PLEKHG2: variants seen among roughly 807,000 people sequenced by gnomAD.
PLEKHG2 encodes pleckstrin homology and RhoGEF domain containing G2, also known as pleckstrin homology domain-containing family G member 2.
A neutral mutation model predicts 104.4 loss-of-function variants in PLEKHG2; 71 were observed. That is an observed-to-expected ratio of 0.68 (90% CI 0.56 to 0.83). PLEKHG2 has a LOEUF of 0.83. Among genes scored for constraint, PLEKHG2 ranks in the 40% least tolerant of loss-of-function variants. The pLI, the probability that PLEKHG2 is intolerant of heterozygous loss-of-function variation, is 0.00. For synonymous variants in PLEKHG2, 728 were observed against 737.0 expected, an observed-to-expected ratio of 0.99 and a Z score of 0.20; for missense variants, 1,730 against 1,809.4, an observed-to-expected ratio of 0.96 and a Z score of 0.80.
chr19:39,421,076 G>C lies in PLEKHG2; in HGVS notation c.1449G>C (p.Glu483Asp), dbSNP rs774417385. 3 of 1,614,076 alleles carry C rather than the reference G, an allele frequency of 1.9e-6. No homozygotes were observed. In the Admixed American group the frequency reaches 5.0e-5, roughly 27 times the overall value. ...SVIRRGRRQS[E>D]PVKDPYVMFP... Reference sequence around the variant, plus strand: ...GACATCACTGTGTCCTCCCCGCAGAGCCGGTGAAGGACCCTTATGTCATGT... The same window carrying C: ...GACATCACTGTGTCCTCCCCGCAGACCCGGTGAAGGACCCTTATGTCATGT... The change falls in exon 15 of 19, where the codon GAG becomes GAC. Residue 483 changes from glutamate to aspartate, a missense_variant and splice_region_variant. By Grantham distance (45) the Glu-to-Asp change is conservative. Coordinates refer to ENST00000425673, the MANE Select transcript of PLEKHG2 (RefSeq NM_022835.3).
chr19:39,426,504 T>A lies in PLEKHG2; in HGVS notation c.*1210T>A, dbSNP rs1376439892. The A allele has an allele frequency of 1.3e-5, 2 of 152,272 alleles. No individual in the cohort carries two copies. Among genetic ancestry groups the A allele is most frequent in the Non-Finnish European group, 1.5e-5 (1 of 68,038 alleles). 9.4% of individuals were successfully genotyped at this position (152,272 alleles called of 1,614,324 possible). A position where few individuals can be genotyped will look rare whatever the true frequency, so the allele number is the denominator to read the frequency against. ...TTTCTTTGGTGATGATATTAGCTAC[T>A]TTCATCAAATACTTAGCCTCTTGTG... On this transcript the variant is annotated 3_prime_UTR_variant, in exon 19 of 19. Transcript: ENST00000425673.
Position 39,420,953 on chromosome 19 carries a change from A to T in PLEKHG2, c.1404A>T (p.Pro468=), listed in dbSNP as rs2078690280. Residue 468 remains proline, a synonymous_variant, in exon 14 of 19, where the codon CCA becomes CCT. Coordinates refer to ENST00000425673, the MANE Select transcript of PLEKHG2 (RefSeq NM_022835.3). ...CTCTGGCCCTCCCTCCCACAGCTCCATCTCCTGGGCCCTCTGTGATTCGCC... is the reference window on the plus strand; with the variant it reads ...CTCTGGCCCTCCCTCCCACAGCTCCTTCTCCTGGGCCCTCTGTGATTCGCC... ...SFTPGRRNTA[P]SPGPSVIRRG... is the part of the protein sequence containing the mutation. The T allele has an allele frequency of 6.2e-7, 1 of 1,613,956 alleles. No homozygotes were observed. Among genetic ancestry groups the T allele is most frequent in the South Asian group, 1.1e-5 (1 of 91,084 alleles).
intron 2 of PLEKHG2, 157 bp downstream of exon 2, chr19:39,414,352 G>A (rs182825641): frequency 5.5e-6 from 4 of 725,660 alleles, no homozygotes; most frequent in South Asian, 5.2e-5. Flanking sequence ...CAGGCCAGAG[G>A]GGGCAGCGCT....
chr19:39,418,662 A>G (rs552046455), intron 9 of PLEKHG2, 72 bp from the exon 10 acceptor site: 5 of 1,245,164 alleles, frequency 4.0e-6, no homozygotes, highest in Non-Finnish European at 5.8e-6. Flanking sequence ...TACACCTCCA[A>G]GGGTGTCTCC....
Position 39,417,917 on chromosome 19 carries a change from C to A in PLEKHG2, c.895C>A (p.Arg299=), listed in dbSNP as rs745527073. The change falls in exon 9 of 19, where the codon CGG becomes AGG. Residue 299 remains arginine, a synonymous_variant. Coordinates refer to ENST00000425673, the MANE Select transcript of PLEKHG2 (RefSeq NM_022835.3). ...HAARLQEVQR[R]LGGWTGPELS... ...GGGGTCCCGGCAGGAAGTGCAGCGG[C>A]GGCTGGGTGGCTGGACCGGACCAGA... 1.3e-6 allele frequency: 2 copies of A among 1,541,172 alleles called. No individual in the cohort carries two copies. Among genetic ancestry groups the A allele is most frequent in the Admixed American group, 2.0e-5 (1 of 50,328 alleles).
Position 39,423,238 on chromosome 19 carries a change from C to T in PLEKHG2, c.2184C>T (p.Gly728=), listed in dbSNP as rs768502378. ...AACTGGGAGAGCCGCCTTCAGGAGG[C>T]AAGGCAGGGCCAGAGGAGGATGAAG... ...PGKLGEPPSG[G]KAGPEEDEEG... Residue 728 remains glycine, a synonymous_variant, in exon 18 of 19, where the codon GGC becomes GGT. Coordinates refer to ENST00000425673, the MANE Select transcript of PLEKHG2 (RefSeq NM_022835.3). The T allele has an allele frequency of 1.2e-6, 2 of 1,613,448 alleles. No individual in the cohort carries two copies. Among genetic ancestry groups the T allele is most frequent in the African/African-American group, 2.7e-5 (2 of 74,900 alleles).
In PLEKHG2 at chr19:39,415,684, C is replaced by G. The variant is rs967323792; in HGVS notation, c.479+245C>G. Among the ~76,000 whole-genome samples the G allele has an allele frequency of 1.3e-5, 2 of 150,000 alleles. No homozygotes were observed. The highest frequency in any genetic ancestry group is 4.9e-5 in the African/African-American group (2 of 40,650). ...GACCCCGAGTGAGGGAGGGGCATAG[C>G]GGATGGGAGGACCCCGAGTGAGGGA... is the stretch of plus-strand genomic sequence containing the variant. On this transcript the variant is annotated intron_variant, in intron 4 of 18. Coordinates refer to ENST00000425673, the MANE Select transcript of PLEKHG2 (RefSeq NM_022835.3). The surrounding 1 kb of genome is among the most constrained non-coding windows in gnomAD (Gnocchi z 4.6).
At chr19:39,420,356 G>T (rs906880402) in intron 11 of PLEKHG2, among the ~76,000 whole-genome samples, 1 of 148,576 alleles carries the variant, frequency 6.7e-6, no homozygotes, top group Non-Finnish European at 1.5e-5. Flanking sequence ...CAAAATCTCC[G>T]TCTCAAAAAA....
rs953910058 is a variant in PLEKHG2 at position 39,418,036 on chromosome 19, C to T, written c.1014C>T (p.Phe338=). ...PRLRGGERLL[F]LFSRMLLVAK... is the part of the protein sequence containing the mutation. ...TACGAGGGGGTGAGCGGCTGCTCTT[C>T]CTGTTCTCTCGGATGCTGCTGGTGG... is the stretch of plus-strand genomic sequence containing the variant. The change falls in exon 9 of 19, where the codon TTC becomes TTT. Residue 338 remains phenylalanine (F), a synonymous_variant. Transcript: ENST00000425673. The T allele has an allele frequency of 3.9e-6, 6 of 1,555,950 alleles. No homozygotes were observed. Among genetic ancestry groups the T allele is most frequent in the African/African-American group, 2.7e-5 (2 of 73,396 alleles).
At position 39,415,531 on chromosome 19, in the gene PLEKHG2, G is replaced by C. The variant is rs955806809; in HGVS notation, c.479+92G>C. 3 of 1,386,336 alleles carry C rather than the reference G, an allele frequency of 2.2e-6. 1 individual carries two copies. Among genetic ancestry groups the C allele is most frequent in the Admixed American group, 4.0e-5 (2 of 50,260 alleles). 85.9% of individuals were successfully genotyped at this position (1,386,336 alleles called of 1,614,324 possible). ...TCGGAGCTTCGTAGTGTCCTGTCCA[G>C]GCTGGTACGTGGGGTTGTGACATTG... is the stretch of plus-strand genomic sequence containing the variant. On this transcript the variant is annotated intron_variant, in intron 4 of 18. Transcript: ENST00000425673. The surrounding 1 kb of genome is among the most constrained non-coding windows in gnomAD (Gnocchi z 4.6).
chr19:39,418,670 T>G (rs1229701031), intron 9 of PLEKHG2, 64 bp from the exon 10 acceptor site: 2 of 1,336,982 alleles, frequency 1.5e-6, no homozygotes, highest in Non-Finnish European at 2.1e-6. Context: ...CAAGGGTGTC[T>G]CCGTACAAGG....
chr19:39,424,330 G>T lies in PLEKHG2; in HGVS notation c.3197G>T (p.Gly1066Val). 4 of 1,614,120 alleles carry T rather than the reference G, an allele frequency of 2.5e-6. No individual in the cohort carries two copies. The highest frequency in any genetic ancestry group is 3.4e-6 in the Non-Finnish European group (4 of 1,180,020). ...CAAGGAGGTTCCAGGGATGTTCAGGGCCCAGACCCTGTCTGCAGTCAACCC... is the reference window on the plus strand; with the variant it reads ...CAAGGAGGTTCCAGGGATGTTCAGGTCCCAGACCCTGTCTGCAGTCAACCC... Reference protein sequence around the residue: ...TKQGGSRDVQGPDPVCSQPIQ... With the variant: ...TKQGGSRDVQVPDPVCSQPIQ... The change falls in exon 19 of 19, where the codon GGC becomes GTC. Residue 1066 changes from glycine (G) to valine (V), a missense_variant. Transcript: ENST00000425673.
chr19:39,415,003 C>T lies in PLEKHG2; in HGVS notation c.121C>T (p.Pro41Ser). ...CCACACCCCAGCAGCTCCTGCAGCC[C>T]CCACCATGGCCTCCCCCCGAGGTTC... ...VCETRTAPAAPTMASPRGSGS... is the reference protein window; with the variant it reads ...VCETRTAPAASTMASPRGSGS... Residue 41 changes from proline (P) to serine (S), a missense_variant, in exon 3 of 19, where the codon CCC (proline) becomes TCC (serine). Coordinates refer to ENST00000425673, the MANE Select transcript of PLEKHG2 (RefSeq NM_022835.3). This position sits in a 1 kb window ranked among gnomAD's most constrained non-coding sequence, Gnocchi z 4.6. 1 of 1,595,936 alleles carries T rather than the reference C, an allele frequency of 6.3e-7. No individual in the cohort carries two copies. Among genetic ancestry groups the T allele is most frequent in the Non-Finnish European group, 8.6e-7 (1 of 1,169,314 alleles).
At position 39,421,064 on chromosome 19, in the gene PLEKHG2, C is replaced by T. The variant is rs1265239536; in HGVS notation, c.1448-11C>T. The T allele has an allele frequency of 1.2e-6, 2 of 1,613,928 alleles. No individual in the cohort carries two copies. The highest frequency in any genetic ancestry group is 1.7e-4 in the Middle Eastern group (1 of 5,996). ...AGCTGGGCTCCTGACATCACTGTGT[C>T]CTCCCCGCAGAGCCGGTGAAGGACC... On this transcript the variant is annotated splice_polypyrimidine_tract_variant and intron_variant, in intron 14 of 18. Coordinates refer to ENST00000425673, the MANE Select transcript of PLEKHG2 (RefSeq NM_022835.3).
intron 10 of PLEKHG2, 40 bp downstream of exon 10, chr19:39,418,866 G>T (rs748314019): frequency 6.3e-7 from 1 of 1,596,456 alleles, no homozygotes; most frequent in South Asian, 1.1e-5. Flanking sequence ...GGATCCCCCA[G>T]CCTCGAGACC....
At chr19:39,417,306 C>G (rs62119734) in intron 7 of PLEKHG2, among the ~76,000 whole-genome samples, 27,305 of 152,034 alleles carry the variant, frequency 0.18, 2,480 homozygotes, top group Middle Eastern at 0.24. Flanking sequence ...GCGCACACCA[C>G]CATGCCCAGC....
chr19:39,416,042 T>C lies in PLEKHG2; in HGVS notation c.480-306T>C, dbSNP rs1040389157. ...AAGTACCTTGACGAGGTCTCGGGAT[T>C]ACAGCAGGAACTTAAGATCATCCTA... On this transcript the variant is annotated intron_variant, in intron 4 of 18. Transcript: ENST00000425673. The surrounding 1 kb of genome is among the most constrained non-coding windows in gnomAD (Gnocchi z 4.5). Among the ~76,000 whole-genome samples, 2 of 152,086 alleles carry C rather than the reference T, an allele frequency of 1.3e-5. No homozygotes were observed. Among genetic ancestry groups the C allele is most frequent in the African/African-American group, 4.8e-5 (2 of 41,388 alleles).
In PLEKHG2 at chr19:39,424,239, A is replaced by G. The variant is rs570674927; in HGVS notation, c.3106A>G (p.Thr1036Ala). 90 of 1,613,886 alleles carry G rather than the reference A, an allele frequency of 5.6e-5. No homozygotes were observed. The South Asian group carries it at 9.0e-4, about 16-fold the overall frequency. ...ICSDFTVSVT[T>A]PVPKQEGHLD... ...TTCTGATTTCACAGTTTCAGTCACC[A>G]CCCCTGTGCCCAAGCAAGAAGGTCA... is the stretch of plus-strand genomic sequence containing the variant. The change falls in exon 19 of 19, where the codon ACC becomes GCC. Residue 1036 changes from threonine (T) to alanine (A), a missense_variant. Transcript: ENST00000425673.
chr19:39,425,784 G>A lies in PLEKHG2; in HGVS notation c.*490G>A, dbSNP rs145990237. 1,083 of 171,096 alleles carry A rather than the reference G, an allele frequency of 6.3e-3. 4 individuals are homozygous for A. Among genetic ancestry groups the A allele is most frequent in the Middle Eastern group, 0.013 (5 of 388 alleles). The allele number at this position is 171,096 out of a possible 1,614,324, so 10.6% of individuals were successfully genotyped here. On this transcript the variant is annotated 3_prime_UTR_variant, in exon 19 of 19. Transcript: ENST00000425673. The stretch of plus-strand genomic sequence containing the variant: ...ATACAGTTCACGTCTCCCACCATCC[G>A]TTCATCTCACCCACCCTGCCATCTC...
Sources: allele counts gnomAD v4.1 joint callset (sites outside exome capture counted in the v4.1 genomes callset), GRCh38; gene constraint gnomAD v4.1.1; non-coding constraint Gnocchi (gnomAD v3.1); transcripts MANE v1.5; gene names NCBI Gene and HGNC (gene_info 2026-07-23, HGNC 2026-07-21).